LRRC1: variants seen among roughly 807,000 people sequenced by gnomAD.
The protein encoded by LRRC1 is leucine-rich repeat-containing protein 1.
In LRRC1, 28 loss-of-function variants were observed where a neutral mutation model predicts 69.9. The observed-to-expected ratio is 0.40, with a 90% CI of 0.30 to 0.55. The LOEUF is 0.55. Ranked by LOEUF, LRRC1 falls within the 20% of genes least tolerant of loss-of-function variation. LRRC1 has a pLI of 0.47. For synonymous variants in LRRC1, 236 were observed against 240.2 expected, an observed-to-expected ratio of 0.98 and a Z score of 0.16; for missense variants, 498 against 609.0, an observed-to-expected ratio of 0.82 and a Z score of 1.92.
chr6:53,846,912 A>G (rs1332027525), intron 2 of LRRC1, among the ~76,000 whole-genome samples: 1 of 152,238 alleles, frequency 6.6e-6, no homozygotes, highest in Non-Finnish European at 1.5e-5. Flanking sequence ...AATCTAGGGC[A>G]GACTTTCTTA....
intron 2 of LRRC1, among the ~76,000 whole-genome samples, chr6:53,845,817 G>A (rs1765925309): frequency 6.6e-6 from 1 of 152,182 alleles, no homozygotes; most frequent in Non-Finnish European, 1.5e-5. Context: ...TGCCAACCCT[G>A]CTGGTCCCCA....
chr6:53,799,546 G>T (rs950010201), intron 1 of LRRC1, among the ~76,000 whole-genome samples: 1 of 152,170 alleles, frequency 6.6e-6, no homozygotes, highest in Non-Finnish European at 1.5e-5. Context: ...CGGTGTCCTT[G>T]TCTTGCCAGT....
intron 1 of LRRC1, among the ~76,000 whole-genome samples, chr6:53,829,115 T>C (rs1765354174): frequency 6.6e-6 from 1 of 152,208 alleles, no homozygotes; most frequent in Admixed American, 6.5e-5. Context: ...TTATGGAGCT[T>C]GGGCTCCACA....
rs148464476 is a variant in LRRC1 at position 53,800,886 on chromosome 6, C to T, written c.159+5471C>T. Among the ~76,000 whole-genome samples, 300 of 152,088 alleles carry T rather than the reference C, an allele frequency of 2.0e-3. 3 individuals are homozygous for T. In the East Asian group the frequency reaches 0.041, roughly 21 times the overall value. The stretch of plus-strand genomic sequence containing the variant: ...AATTCGTGACCTCAAGTGATCTGCC[C>T]GCCTCAGCCTCCCAAAGTGCTGGGA... On this transcript the variant is annotated intron_variant, in intron 1 of 13. Transcript: ENST00000370888.
intron 2 of LRRC1, among the ~76,000 whole-genome samples, chr6:53,868,842 C>G (rs1581887326): frequency 6.6e-6 from 1 of 152,206 alleles, no homozygotes; most frequent in Non-Finnish European, 1.5e-5. Flanking sequence ...GGATCACCCT[C>G]TCATCACTGT....
chr6:53,808,296 G>A (rs947174323), intron 1 of LRRC1, among the ~76,000 whole-genome samples: 1 of 152,104 alleles, frequency 6.6e-6, no homozygotes, highest in African/African-American at 2.4e-5. Flanking sequence ...ATTTTTGGTT[G>A]TATTGATGGG....
chr6:53,844,497 T>C (rs1216719781), intron 2 of LRRC1, among the ~76,000 whole-genome samples: 4 of 152,198 alleles, frequency 2.6e-5, no homozygotes, highest in African/African-American at 9.7e-5. Context: ...TCAGCTCTTT[T>C]CAAACATTTG....
At chr6:53,901,049 G>T (rs1298918618) in intron 8 of LRRC1, among the ~76,000 whole-genome samples, 1 of 59,248 alleles carries the variant, frequency 1.7e-5, no homozygotes, top group Non-Finnish European at 3.6e-5. Context: ...AATCGGTAGG[G>T]GTTTTGGCTC....
intron 1 of LRRC1, among the ~76,000 whole-genome samples, chr6:53,824,761 G>A (rs1197264737): frequency 6.6e-6 from 1 of 152,216 alleles, no homozygotes; most frequent in Non-Finnish European, 1.5e-5. Context: ...AGTAGGAAGA[G>A]GGGAATGTGC....
intron 3 of LRRC1, among the ~76,000 whole-genome samples, chr6:53,881,918 A>G (rs536888423): frequency 6.6e-6 from 1 of 152,254 alleles, no homozygotes; most frequent in Admixed American, 6.5e-5. Context: ...TAAATTTTAA[A>G]TCATGATTTT....
intron 2 of LRRC1, among the ~76,000 whole-genome samples, chr6:53,853,282 ATT>A (rs59868633): frequency 0.36 from 46,304 of 129,656 alleles, 7,304 homozygotes; most frequent in East Asian, 0.6. Context: ...GGTGGTTCAT[ATT>A]TTTTTTTTTT....
intron 2 of LRRC1, among the ~76,000 whole-genome samples, chr6:53,848,150 C>T (rs564722775): frequency 6.6e-6 from 1 of 152,342 alleles, no homozygotes; most frequent in South Asian, 2.1e-4. Flanking sequence ...GAGCACGCCT[C>T]TATGCTCACT....
chr6:53,899,680 T>C, intron 7 of LRRC1, 67 bp from the exon 8 acceptor site: 1 of 1,475,186 alleles, frequency 6.8e-7, no homozygotes, highest in Admixed American at 2.0e-5. Context: ...GAAAAATCAC[T>C]GGAACAAATG....
At chr6:53,811,467 T>A (rs183654861) in intron 1 of LRRC1, among the ~76,000 whole-genome samples, 7 of 152,322 alleles carry the variant, frequency 4.6e-5, no homozygotes, top group South Asian at 4.1e-4. Context: ...GTCTATTAGT[T>A]GGGGTGTTAA....
At chr6:53,904,652 G>T in intron 10 of LRRC1, 190 bp downstream of exon 10, 1 of 369,462 alleles carries the variant, frequency 2.7e-6, no homozygotes, top group South Asian at 6.6e-5. Context: ...ACATTAAGGA[G>T]AGTTGGAAAA....
At position 53,795,017 on chromosome 6, in the gene LRRC1, T is replaced by C. The variant is rs2127399514; in HGVS notation, c.-240T>C. 2 of 333,312 alleles carry C rather than the reference T, an allele frequency of 6.0e-6. No individual in the cohort carries two copies. Among genetic ancestry groups the C allele is most frequent in the Middle Eastern group, 8.2e-4 (1 of 1,222 alleles). The allele number at this position is 333,312 out of a possible 1,614,324, so 20.6% of individuals were successfully genotyped here. A position where few individuals can be genotyped will look rare whatever the true frequency, so the allele number is the denominator to read the frequency against. On this transcript the variant is annotated 5_prime_UTR_variant, in exon 1 of 14. Coordinates refer to ENST00000370888, the MANE Select transcript of LRRC1 (RefSeq NM_018214.5). ...CGGCGGCGGGGGCGGCGACGGCGAC[T>C]GGCGGGTGGGAGTGGAGGCACCGGC...
chr6:53,842,792 A>AT (rs1765831196), intron 2 of LRRC1, among the ~76,000 whole-genome samples: 1 of 152,170 alleles, frequency 6.6e-6, no homozygotes, highest in African/African-American at 2.4e-5. Context: ...CTTCTGTCTT[A>AT]ATGTGTTTCT....
At chr6:53,822,199 T>C (rs1450978894) in intron 1 of LRRC1, among the ~76,000 whole-genome samples, 2 of 151,954 alleles carry the variant, frequency 1.3e-5, no homozygotes, top group African/African-American at 4.8e-5. Flanking sequence ...GGAGGAAAAA[T>C]GCAGAGGAGT....
chr6:53,903,997 C>G (rs923289935), intron 9 of LRRC1, among the ~76,000 whole-genome samples: 1 of 152,224 alleles, frequency 6.6e-6, no homozygotes, highest in Non-Finnish European at 1.5e-5. Context: ...TGCCCCAGTG[C>G]TCTGGCTTCC....
Sources: allele counts gnomAD v4.1 joint callset (sites outside exome capture counted in the v4.1 genomes callset), GRCh38; gene constraint gnomAD v4.1.1; transcripts MANE v1.5; gene names NCBI Gene and HGNC (gene_info 2026-07-23, HGNC 2026-07-21).